Variants in CSNK1G1 observed in about 807,000 individuals in gnomAD.
CSNK1G1 encodes the protein casein kinase I isoform gamma-1.
A neutral mutation model predicts 59.6 loss-of-function variants in CSNK1G1; 22 were observed. That is an observed-to-expected ratio of 0.37 (90% CI 0.26 to 0.53). The LOEUF (loss-of-function observed/expected upper bound fraction) is 0.53, where lower values mean the gene tolerates loss of function less well. Among genes scored for constraint, CSNK1G1 ranks in the 20% least tolerant of loss-of-function variants. The probability of loss-of-function intolerance (pLI) is 0.89; values close to 1 mark genes in which losing one functional copy is unlikely to be tolerated. For synonymous variants in CSNK1G1, 179 were observed against 177.1 expected (o/e 1.01, Z -0.08); for missense variants, 384 against 519.5 (o/e 0.74, Z 2.54).
intron 1 of CSNK1G1, among the ~76,000 whole-genome samples, chr15:64,303,870 T>C (rs996550363): frequency 4.9e-5 from 7 of 142,348 alleles, no homozygotes; most frequent in African/African-American, 1.9e-4. Context: ...CAGTGAGCCA[T>C]GATCGTGCCA....
intron 1 of CSNK1G1, among the ~76,000 whole-genome samples, chr15:64,336,825 A>C (rs569719461): frequency 5.0e-4 from 76 of 152,332 alleles, no homozygotes; most frequent in African/African-American, 1.7e-3. Context: ...TGAGATTTAC[A>C]TTACAGAAAA....
intron 3 of CSNK1G1, among the ~76,000 whole-genome samples, chr15:64,258,337 C>G (rs925620253): frequency 2.0e-5 from 3 of 150,600 alleles, no homozygotes; most frequent in Non-Finnish European, 3.0e-5. Context: ...GAGCCAAGAT[C>G]ACATCACTGC....
intron 10 of CSNK1G1, among the ~76,000 whole-genome samples, chr15:64,201,643 T>C (rs1373981795): frequency 1.3e-5 from 2 of 152,036 alleles, no homozygotes; most frequent in Non-Finnish European, 2.9e-5. Context: ...CCAAACCACA[T>C]ATTTTGCCAA....
rs1008409040 is a variant in CSNK1G1, at chr15:64,219,426, C to T, written c.293-2713G>A. On this transcript the variant is annotated intron_variant, in intron 4 of 11. Transcript: ENST00000303052. The stretch of plus-strand genomic sequence containing the variant: ...TATTCTTCAAAGCAGGTTGTGGCAG[C>T]GCCTGTTGTTTGCATGCCCAATATC... Among the ~76,000 whole-genome samples, 7 of 152,134 alleles carry T rather than the reference C, an allele frequency of 4.6e-5. No individual in the cohort carries two copies. In the East Asian group the frequency reaches 5.8e-4, roughly 13 times the overall value.
intron 8 of CSNK1G1, 36 bp from the exon 9 acceptor site, chr15:64,204,625 C>CT (rs532165295): frequency 1.8e-4 from 282 of 1,603,106 alleles, no homozygotes; most frequent in Middle Eastern, 6.6e-4. Context: ...TGCTCATTAG[C>CT]TGAATGCTTT....
At chr15:64,346,420 G>GTTTT (rs924731983) in intron 1 of CSNK1G1, among the ~76,000 whole-genome samples, 4 of 133,348 alleles carry the variant, frequency 3.0e-5, no homozygotes, top group East Asian at 2.0e-4. Context: ...TTGGAAACGA[G>GTTTT]TTTTTATTTA....
intron 2 of CSNK1G1, among the ~76,000 whole-genome samples, chr15:64,275,330 G>A (rs777195074): frequency 2.6e-5 from 4 of 152,068 alleles, no homozygotes; most frequent in South Asian, 4.1e-4. Context: ...CATCTTGCCC[G>A]GCCCAAAGAG....
In CSNK1G1 at chr15:64,259,240, A is replaced by C. The variant is rs1892558215; in HGVS notation, c.183T>G (p.Gly61=). Reference sequence around the variant, plus strand: ...CATATTCATTGGTGTAGAGATTTTTACCTAAGAGGAAAGCAGAATGTATAT... The same window carrying C: ...CATATTCATTGGTGTAGAGATTTTTCCCTAAGAGGAAAGCAGAATGTATAT... ...GCGNFGELRL[G]KNLYTNEYVA... is the part of the protein sequence containing the mutation. The change falls in exon 3 of 12, where the codon GGT becomes GGG. Residue 61 remains glycine, a splice_region_variant and synonymous_variant. Coordinates refer to ENST00000303052, the MANE Select transcript of CSNK1G1 (RefSeq NM_022048.5). The C allele has an allele frequency of 6.3e-7, 1 of 1,591,992 alleles. No individual in the cohort carries two copies. Among genetic ancestry groups the C allele is most frequent in the Non-Finnish European group, 8.6e-7 (1 of 1,167,152 alleles).
intron 1 of CSNK1G1, among the ~76,000 whole-genome samples, chr15:64,344,232 T>C (rs1260675995): frequency 1.3e-5 from 2 of 152,180 alleles, no homozygotes; most frequent in African/African-American, 4.8e-5. Context: ...AAACTCTGAA[T>C]AGTTCTATGA....
chr15:64,329,980 A>C (rs1388270938), intron 1 of CSNK1G1, among the ~76,000 whole-genome samples: 1 of 151,558 alleles, frequency 6.6e-6, no homozygotes, highest in Non-Finnish European at 1.5e-5. Context: ...ACCAGGAAGA[A>C]GTTGAATCTC....
intron 2 of CSNK1G1, among the ~76,000 whole-genome samples, chr15:64,283,293 A>G (rs1894241941): frequency 6.6e-6 from 1 of 152,030 alleles, no homozygotes; most frequent in South Asian, 2.1e-4. Flanking sequence ...TGTTAGATAC[A>G]TAATTTCCAA....
chr15:64,222,702 G>T (rs2082406923), intron 4 of CSNK1G1, among the ~76,000 whole-genome samples: 1 of 150,752 alleles, frequency 6.6e-6, no homozygotes, highest in African/African-American at 2.4e-5. Flanking sequence ...AAAATGAGAT[G>T]CAGTGACTTC....
intron 3 of CSNK1G1, among the ~76,000 whole-genome samples, chr15:64,258,559 CG>C (rs1273725296): frequency 6.6e-6 from 1 of 151,988 alleles, no homozygotes; most frequent in Non-Finnish European, 1.5e-5. Flanking sequence ...ACTAGTCATA[CG>C]AAACATTTCA....
chr15:64,215,558 A>C (rs2082301904), intron 5 of CSNK1G1, among the ~76,000 whole-genome samples: 1 of 152,226 alleles, frequency 6.6e-6, no homozygotes, highest in Non-Finnish European at 1.5e-5. Context: ...AGATATTTGA[A>C]TTTGGGGCTC....
chr15:64,279,666 A>G (rs528474926), intron 2 of CSNK1G1, among the ~76,000 whole-genome samples: 44 of 152,270 alleles, frequency 2.9e-4, no homozygotes, highest in African/African-American at 9.4e-4. Flanking sequence ...TCTGGATCAT[A>G]GAGTATTCAT....
chr15:64,295,524 C>T (rs182921118), intron 2 of CSNK1G1, among the ~76,000 whole-genome samples: 2 of 152,334 alleles, frequency 1.3e-5, no homozygotes, highest in East Asian at 1.9e-4. Context: ...AGACCAAAGG[C>T]CCTGCTACTT....
In CSNK1G1 at chr15:64,216,341, C is replaced by T. The variant is rs1434787245; in HGVS notation, c.444+221G>A. Among the ~76,000 whole-genome samples the T allele has an allele frequency of 6.6e-6, 1 of 152,194 alleles. No homozygotes were observed. Among genetic ancestry groups the T allele is most frequent in the Non-Finnish European group, 1.5e-5 (1 of 68,038 alleles). On this transcript the variant is annotated intron_variant, in intron 5 of 11. Transcript: ENST00000303052. The surrounding 1 kb of genome is among the most constrained non-coding windows in gnomAD (Gnocchi z 4.6). The stretch of plus-strand genomic sequence containing the variant: ...ACTTCCTCTTCAGTTAAGGGCAGAG[C>T]ATTGCTCCAAGGTGCAAAGTCTTAA...
chr15:64,215,850 G>A (rs1208916606), intron 5 of CSNK1G1, among the ~76,000 whole-genome samples: 1 of 152,190 alleles, frequency 6.6e-6, no homozygotes, highest in Non-Finnish European at 1.5e-5. Context: ...CTGAGTGTTA[G>A]TGCAATGGGT....
intron 4 of CSNK1G1, among the ~76,000 whole-genome samples, chr15:64,250,766 G>GAAAGA (rs1555397973): frequency 6.8e-6 from 1 of 147,624 alleles, no homozygotes; most frequent in Non-Finnish European, 1.5e-5. Context: ...AAGAAAGAAA[G>GAAAGA]AAAAAAAAAA....
Sources: allele counts gnomAD v4.1 joint callset (sites outside exome capture counted in the v4.1 genomes callset), GRCh38; gene constraint gnomAD v4.1.1; non-coding constraint Gnocchi (gnomAD v3.1); transcripts MANE v1.5; gene names NCBI Gene and HGNC (gene_info 2026-07-23, HGNC 2026-07-21).